SULF2: variants seen among roughly 807,000 people sequenced by gnomAD.
The protein encoded by SULF2 is extracellular sulfatase Sulf-2.
Under a neutral mutation model 107.7 loss-of-function variants are expected in SULF2, and 52 were observed. That is an observed-to-expected ratio of 0.48 (90% CI 0.39 to 0.61). The LOEUF is 0.61. Ranked by LOEUF, SULF2 falls within the 20% of genes least tolerant of loss-of-function variation. The pLI is 0.00. For synonymous variants in SULF2, 460 were observed against 464.3 expected (o/e 0.99, Z 0.12); for missense variants, 993 against 1,177.3 (o/e 0.84, Z 2.29).
intron 1 of SULF2, among the ~76,000 whole-genome samples, chr20:47,773,635 T>TTGTCTCAGCTG (rs1243625539): frequency 2.0e-5 from 3 of 152,258 alleles, no homozygotes; most frequent in African/African-American, 7.2e-5. Context: ...CTTTGTTCCT[T>TTGTCTCAGCTG]TGTCTCAGCT....
intron 1 of SULF2, among the ~76,000 whole-genome samples, chr20:47,765,377 A>C (rs866598005): frequency 0.023 from 3,483 of 151,696 alleles, 111 homozygotes; most frequent in African/African-American, 0.072. Flanking sequence ...AAAACAAAAA[A>C]AAAAAAACAG....
rs6018628 is a variant in SULF2, at chr20:47,670,134, G to A, written c.1576+2064C>T. ...ACCAGAGGAGATCACTGCGCCTGCCGTCAGAGACCTCAATCTCTAACTAGT... is the reference window on the plus strand; with the variant it reads ...ACCAGAGGAGATCACTGCGCCTGCCATCAGAGACCTCAATCTCTAACTAGT... On this transcript the variant is annotated intron_variant, in intron 11 of 20. Transcript: ENST00000688720. Among the ~76,000 whole-genome samples, 736 of 152,234 alleles carry A rather than the reference G, an allele frequency of 4.8e-3. 7 individuals carry two copies. Among genetic ancestry groups the A allele is most frequent in the African/African-American group, 0.017 (708 of 41,526 alleles).
intron 1 of SULF2, among the ~76,000 whole-genome samples, chr20:47,780,786 T>A (rs1160833189): frequency 6.6e-6 from 1 of 152,154 alleles, no homozygotes; most frequent in Non-Finnish European, 1.5e-5. Context: ...ACTCCTGACC[T>A]CAAGGGATCC....
chr20:47,663,363 C>T, intron 16 of SULF2, 90 bp downstream of exon 16: 3 of 1,583,304 alleles, frequency 1.9e-6, no homozygotes, highest in Non-Finnish European at 2.6e-6. Flanking sequence ...TTGGGGACCC[C>T]CTTTCTGAGA....
In SULF2 at chr20:47,672,323, C is replaced by T; in HGVS notation, c.1451G>A (p.Gly484Asp). ...LHKCKGPMRL[G>D]GSRALSNLVP... ...GAGGTTGGAGAGGGCTCTGCTGCCG[C>T]CCAGCCGCATGGGGCCCTTGCACTT... The change falls in exon 11 of 21, where the codon GGC becomes GAC. Residue 484 changes from glycine (G) to aspartate (D), a missense_variant. By Grantham distance (94) the Gly-to-Asp change is moderately conservative. This residue lies in a region of SULF2 where 497 missense variants were observed against 544.1 expected (regional missense o/e 0.91). Coordinates refer to ENST00000688720, the MANE Select transcript of SULF2 (RefSeq NM_001387048.1). 1.2e-6 allele frequency: 2 copies of T among 1,613,340 alleles called. No individual in the cohort carries two copies. The highest frequency in any genetic ancestry group is 1.7e-6 in the Non-Finnish European group (2 of 1,179,982).
intron 2 of SULF2, among the ~76,000 whole-genome samples, chr20:47,740,151 C>A (rs1435923601): frequency 1.3e-5 from 2 of 152,194 alleles, no homozygotes; most frequent in Non-Finnish European, 2.9e-5. Flanking sequence ...ATGCTTATGG[C>A]TGGGCTGAAG....
At chr20:47,658,666 C>T (rs1305432163) in intron 20 of SULF2, among the ~76,000 whole-genome samples, 2 of 152,148 alleles carry the variant, frequency 1.3e-5, no homozygotes, top group Admixed American at 1.3e-4. Flanking sequence ...ATTCTAGAAG[C>T]ACCGAAGAAA....
chr20:47,733,584 C>T (rs919996863), intron 3 of SULF2, among the ~76,000 whole-genome samples: 2 of 152,158 alleles, frequency 1.3e-5, no homozygotes, highest in Admixed American at 1.3e-4. Flanking sequence ...ACCAGCTTGG[C>T]CAACATGGCA....
chr20:47,681,692 TATTA>T (rs1173301474), intron 7 of SULF2, among the ~76,000 whole-genome samples: 1 of 152,148 alleles, frequency 6.6e-6, no homozygotes, highest in Non-Finnish European at 1.5e-5. Flanking sequence ...TGAAACGAAT[TATTA>T]ATTGTTTTTG....
chr20:47,684,277 C>T, intron 6 of SULF2, 154 bp downstream of exon 6: 1 of 760,808 alleles, frequency 1.3e-6, no homozygotes, highest in East Asian at 3.0e-5. Context: ...TGGATTGCTC[C>T]AAGCTGTTCC....
At chr20:47,739,638 C>T (rs904235346) in intron 2 of SULF2, among the ~76,000 whole-genome samples, 1 of 152,232 alleles carries the variant, frequency 6.6e-6, no homozygotes, top group African/African-American at 2.4e-5. Flanking sequence ...TGTCTCTCCA[C>T]AGCAGTTACT....
rs146696012 is a variant in SULF2, at chr20:47,737,334, T to C, written c.176-392A>G. On this transcript the variant is annotated intron_variant, in intron 2 of 20. Transcript: ENST00000688720. ...TTTACAAATTTTAAACACAACATTG[T>C]TTTTGCAGGGTATTAATATACATTG... 1.3e-4 allele frequency among the ~76,000 whole-genome samples: 18 copies of C among 136,668 alleles called. No individual in the cohort carries two copies. In the East Asian group the frequency reaches 4.3e-3, roughly 32 times the overall value. 89.7% of individuals were successfully genotyped at this position (136,668 alleles called of 152,430 possible). A position where few individuals can be genotyped will look rare whatever the true frequency, so the allele number is the denominator to read the frequency against.
Position 47,736,704 on chromosome 20 carries a change from T to G in SULF2, c.414A>C (p.Thr138=). Residue 138 remains threonine (T), a splice_region_variant and synonymous_variant, in exon 3 of 21, where the codon ACA becomes ACC. Transcript: ENST00000688720. ...GCACCTGCCCCCGTCCCTGCTCACC[T>G]GTCCGGTAGCCAGTGCTATTGAGGT... The part of the protein sequence containing the change: ...AVYLNSTGYR[T]AFFGKYLNEY... 2 of 1,614,194 alleles carry G rather than the reference T, an allele frequency of 1.2e-6. No homozygotes were observed. Among genetic ancestry groups the G allele is most frequent in the Non-Finnish European group, 1.7e-6 (2 of 1,180,024 alleles).
rs138381721 is a variant in SULF2 at position 47,771,649 on chromosome 20, C to T, written c.-101+13694G>A. On this transcript the variant is annotated intron_variant, in intron 1 of 20. Coordinates refer to ENST00000688720, the MANE Select transcript of SULF2 (RefSeq NM_001387048.1). ...TTGCCCTGGAGTCCAGGAGGGAAGG[C>T]TGCTGTCCCTGGGAGCCCCTCTCAT... 7.3e-3 allele frequency among the ~76,000 whole-genome samples: 1,109 copies of T among 152,210 alleles called. 6 individuals carry two copies. The highest frequency in any genetic ancestry group is 0.011 in the Non-Finnish European group (768 of 67,994).
intron 8 of SULF2, 51 bp from the exon 9 acceptor site, chr20:47,677,185 AC>A: frequency 4.4e-6 from 7 of 1,602,226 alleles, no homozygotes; most frequent in Non-Finnish European, 5.1e-6. Flanking sequence ...GCTTCCCACG[AC>A]CCCCCGTTCC....
In SULF2 at chr20:47,684,424, C is replaced by T. The variant is rs199911603; in HGVS notation, c.888+7G>A. ...CGCCCACCAAGAGGCATGCAGCGGGCGCCTACCGTCTCCATGGAGTCGTCC... is the reference window on the plus strand; with the variant it reads ...CGCCCACCAAGAGGCATGCAGCGGGTGCCTACCGTCTCCATGGAGTCGTCC... On this transcript the variant is annotated splice_region_variant and intron_variant, in intron 6 of 20. Coordinates refer to ENST00000688720, the MANE Select transcript of SULF2 (RefSeq NM_001387048.1). 7.5e-5 allele frequency: 120 copies of T among 1,603,494 alleles called. No individual in the cohort carries two copies. Among genetic ancestry groups the T allele is most frequent in the Middle Eastern group, 1.7e-4 (1 of 5,988 alleles).
chr20:47,756,795 G>A lies in SULF2; in HGVS notation c.175+394C>T, dbSNP rs138008299. Among the ~76,000 whole-genome samples the A allele has an allele frequency of 9.2e-5, 14 of 152,176 alleles. No individual in the cohort carries two copies. In the East Asian group the frequency reaches 9.7e-4, roughly 11 times the overall value. On this transcript the variant is annotated intron_variant, in intron 2 of 20. Transcript: ENST00000688720. ...TCAGTAGCTGGGGTTACAGGTGTGC[G>A]CCATCATGCCTGGCTCATTTCTGTA...
chr20:47,665,809 C>T, intron 13 of SULF2, 48 bp downstream of exon 13: 1 of 1,538,670 alleles, frequency 6.5e-7, no homozygotes, highest in Non-Finnish European at 9.0e-7. Flanking sequence ...GGGGTCCTGC[C>T]AGGCCCGTGG....
chr20:47,710,033 C>T (rs1001439733), intron 3 of SULF2, among the ~76,000 whole-genome samples: 8 of 151,976 alleles, frequency 5.3e-5, no homozygotes, highest in Admixed American at 3.9e-4. Flanking sequence ...TCTCGAGTAG[C>T]TGGGACTACA....
Sources: allele counts gnomAD v4.1 joint callset (sites outside exome capture counted in the v4.1 genomes callset), GRCh38; gene constraint gnomAD v4.1.1; regional missense constraint gnomAD v4.1.1; transcripts MANE v1.5; gene names NCBI Gene and HGNC (gene_info 2026-07-23, HGNC 2026-07-21).